The following MTMR7 variants were observed in gnomAD, a reference collection of about 807,000 sequenced individuals.
MTMR7 encodes the protein phosphatidylinositol-3-phosphate phosphatase MTMR7.
A neutral mutation model predicts 81.2 loss-of-function variants in MTMR7; 76 were observed. The ratio of observed to expected loss-of-function variants is 0.94; its 90% confidence interval spans 0.78 to 1.13. The LOEUF is 1.13. Ranked by LOEUF, MTMR7 falls within the 50% of genes most tolerant of loss-of-function variation. The pLI is 0.00. For synonymous variants in MTMR7, 372 were observed against 289.8 expected, an observed-to-expected ratio of 1.28 and a Z score of -2.88; for missense variants, 1,044 against 820.0, an observed-to-expected ratio of 1.27 and a Z score of -3.34.
intron 4 of MTMR7, among the ~76,000 whole-genome samples, chr8:17,350,452 G>C (rs1229540837): frequency 6.6e-6 from 1 of 152,138 alleles, no homozygotes; most frequent in Non-Finnish European, 1.5e-5. Context: ...TAAAGCATTA[G>C]ATCTTGTGAG....
At chr8:17,352,473 A>G (rs907807682) in intron 4 of MTMR7, among the ~76,000 whole-genome samples, 6 of 152,234 alleles carry the variant, frequency 3.9e-5, no homozygotes, top group Non-Finnish European at 7.3e-5. Flanking sequence ...AGACCTAAAC[A>G]TAAGACCCAA....
At chr8:17,313,156 C>T (rs1235684265) in intron 8 of MTMR7, 136 bp downstream of exon 8, 12 of 555,204 alleles carry the variant, frequency 2.2e-5, no homozygotes, top group Admixed American at 5.9e-5. Flanking sequence ...GCACAGACTA[C>T]GGAGCTCTAC....
chr8:17,364,790 C>T (rs542819897), intron 3 of MTMR7, among the ~76,000 whole-genome samples: 1 of 152,142 alleles, frequency 6.6e-6, no homozygotes, highest in African/African-American at 2.4e-5. Context: ...TTTGTATATA[C>T]CATGTTTTCT....
intron 1 of MTMR7, among the ~76,000 whole-genome samples, chr8:17,406,001 T>C (rs1471356374): frequency 6.6e-6 from 1 of 152,202 alleles, no homozygotes; most frequent in East Asian, 1.9e-4. Context: ...TTTATGCAAA[T>C]ATCTGAAATT....
intron 1 of MTMR7, among the ~76,000 whole-genome samples, chr8:17,386,323 G>A (rs1223610292): frequency 6.6e-6 from 1 of 152,172 alleles, no homozygotes. Context: ...GGCTGCAGTG[G>A]GCCGTGATCA....
intron 9 of MTMR7, among the ~76,000 whole-genome samples, chr8:17,310,341 T>C (rs1817716549): frequency 6.6e-6 from 1 of 152,166 alleles, no homozygotes; most frequent in African/African-American, 2.4e-5. Context: ...ATGGATAGTC[T>C]CATCAATATC....
At chr8:17,332,847 T>G (rs921621684) in intron 6 of MTMR7, among the ~76,000 whole-genome samples, 1 of 152,182 alleles carries the variant, frequency 6.6e-6, no homozygotes, top group Non-Finnish European at 1.5e-5. Context: ...TTTGCGTGTT[T>G]ATCAAGCAGA....
chr8:17,307,042 A>T (rs1290817510), intron 10 of MTMR7, among the ~76,000 whole-genome samples: 2 of 152,200 alleles, frequency 1.3e-5, no homozygotes, highest in Non-Finnish European at 2.9e-5. Context: ...GACAGATGGG[A>T]TCTAATTAAA....
intron 1 of MTMR7, among the ~76,000 whole-genome samples, chr8:17,409,891 T>G (rs1821691699): frequency 6.6e-6 from 1 of 152,244 alleles, no homozygotes; most frequent in Admixed American, 6.5e-5. Context: ...CTGGTCCCAC[T>G]GGAGAACTCT....
At position 17,363,162 on chromosome 8, in the gene MTMR7, C is replaced by T. The variant is rs535458606; in HGVS notation, c.311-1888G>A. ...TCATCTTAGCTAATGTTGCTGACAGCATGTGAAACCTCAGATCCTGTTCTG... is the reference window on the plus strand; with the variant it reads ...TCATCTTAGCTAATGTTGCTGACAGTATGTGAAACCTCAGATCCTGTTCTG... On this transcript the variant is annotated intron_variant, in intron 3 of 13. Coordinates refer to ENST00000180173, the MANE Select transcript of MTMR7 (RefSeq NM_004686.5). 5.3e-5 allele frequency among the ~76,000 whole-genome samples: 8 copies of T among 152,330 alleles called. No homozygotes were observed. The South Asian group carries it at 1.7e-3, about 32-fold the overall frequency.
chr8:17,317,549 A>C (rs1336054006), intron 7 of MTMR7, among the ~76,000 whole-genome samples: 2 of 152,164 alleles, frequency 1.3e-5, no homozygotes, highest in Non-Finnish European at 2.9e-5. Flanking sequence ...CCTGCGGTCA[A>C]CGTTTCCAGA....
chr8:17,407,090 T>C (rs1821607891), intron 1 of MTMR7, among the ~76,000 whole-genome samples: 2 of 152,050 alleles, frequency 1.3e-5, no homozygotes, highest in African/African-American at 4.8e-5. Context: ...ATTGCATACT[T>C]TAGAAAGGTA....
chr8:17,353,930 G>A (rs1347019649), intron 4 of MTMR7, among the ~76,000 whole-genome samples: 1 of 152,160 alleles, frequency 6.6e-6, no homozygotes, highest in East Asian at 1.9e-4. Flanking sequence ...ATTACTCTCA[G>A]CTGCAAGAGC....
chr8:17,386,562 G>C (rs931309082), intron 1 of MTMR7, among the ~76,000 whole-genome samples: 1 of 152,176 alleles, frequency 6.6e-6, no homozygotes, highest in African/African-American at 2.4e-5. Flanking sequence ...TTCAGAAGGG[G>C]AGATGGGCTG....
rs570553080 is a variant in MTMR7 at position 17,300,097 on chromosome 8, C to G, written c.1748G>C (p.Ser583Thr). ...NSIANTPQDY[S>T]GNMKSFPSRS... is the part of the protein sequence containing the mutation. ...GGATGGAAATGATTTCATATTCCCA[C>G]TGTAATCCTGGGGAGTGTTGGCTAT... Residue 583 changes from serine to threonine, a missense_variant, in exon 14 of 14, where the codon AGT becomes ACT. By Grantham distance (58) the Ser-to-Thr change is moderately conservative. Coordinates refer to ENST00000180173, the MANE Select transcript of MTMR7 (RefSeq NM_004686.5). 8 of 1,614,176 alleles carry G rather than the reference C, an allele frequency of 5.0e-6. No homozygotes were observed. Among genetic ancestry groups the G allele is most frequent in the African/African-American group, 2.7e-5 (2 of 75,052 alleles).
intron 6 of MTMR7, among the ~76,000 whole-genome samples, chr8:17,331,995 T>C (rs1819025702): frequency 6.6e-6 from 1 of 152,230 alleles, no homozygotes; most frequent in Admixed American, 6.5e-5. Flanking sequence ...AGAAGTTTAT[T>C]AAATCCAAAC....
chr8:17,373,527 C>T (rs923907892), intron 1 of MTMR7, among the ~76,000 whole-genome samples: 1 of 152,106 alleles, frequency 6.6e-6, no homozygotes, highest in Non-Finnish European at 1.5e-5. Context: ...ATGGTCAACG[C>T]TTTCATTTCA....
At chr8:17,352,413 G>A (rs954397657) in intron 4 of MTMR7, among the ~76,000 whole-genome samples, 5 of 152,044 alleles carry the variant, frequency 3.3e-5, no homozygotes, top group South Asian at 2.1e-4. Context: ...ATAAAATAAC[G>A]ATGGGTCATA....
chr8:17,402,139 T>C (rs1180016718), intron 1 of MTMR7, among the ~76,000 whole-genome samples: 3 of 152,318 alleles, frequency 2.0e-5, no homozygotes, highest in Non-Finnish European at 4.4e-5. Context: ...TATATATTTA[T>C]GGAGTATGTG....
Sources: allele counts gnomAD v4.1 joint callset (sites outside exome capture counted in the v4.1 genomes callset), GRCh38; gene constraint gnomAD v4.1.1; transcripts MANE v1.5; gene names NCBI Gene and HGNC (gene_info 2026-07-23, HGNC 2026-07-21).